ROBO1: variants seen among roughly 807,000 people sequenced by gnomAD.
ROBO1 encodes the protein roundabout homolog 1.
A neutral mutation model predicts 195.9 loss-of-function variants in ROBO1; 149 were observed. The observed-to-expected ratio is 0.76, with a 90% confidence interval of 0.67 to 0.87. The LOEUF is 0.87. ROBO1 is among the 40% of genes least tolerant of loss of function. ROBO1 has a pLI of 0.00. For missense variants in ROBO1, 1,933 were observed against 2,068.3 expected (o/e 0.93, Z 1.27); for synonymous variants, 816 against 733.2 (o/e 1.11, Z -1.82).
intron 4 of ROBO1, among the ~76,000 whole-genome samples, chr3:78,809,034 A>G (rs2084642159): frequency 6.6e-6 from 1 of 152,206 alleles, no homozygotes; most frequent in South Asian, 2.1e-4. Flanking sequence ...GCACAGTAAA[A>G]GAAACTACCA....
At chr3:79,054,252 T>C (rs140699411) in intron 3 of ROBO1, among the ~76,000 whole-genome samples, 1 of 152,226 alleles carries the variant, frequency 6.6e-6, no homozygotes, top group Admixed American at 6.5e-5. Context: ...TATGAGAGCT[T>C]GGGATAAATT....
In ROBO1 at chr3:79,058,246, G is replaced by T. The variant is rs143706946; in HGVS notation, c.172+67210C>A. Among the ~76,000 whole-genome samples, 104 of 152,134 alleles carry T rather than the reference G, an allele frequency of 6.8e-4. No individual in the cohort carries two copies. In the East Asian group the frequency reaches 0.017, roughly 25 times the overall value. On this transcript the variant is annotated intron_variant, in intron 3 of 30. Transcript: ENST00000464233. ...TTAGTAATAGACATGGCACCAAAGG[G>T]CTATTTAAAAAACAATTGCTCCTCT...
intron 17 of ROBO1, among the ~76,000 whole-genome samples, chr3:78,657,594 A>G (rs1396758966): frequency 6.6e-6 from 1 of 152,210 alleles, no homozygotes; most frequent in Non-Finnish European, 1.5e-5. Context: ...ACACCAACAC[A>G]TTATCTGCCA....
chr3:78,639,131 G>A (rs1705752790), intron 22 of ROBO1, among the ~76,000 whole-genome samples: 1 of 151,838 alleles, frequency 6.6e-6, no homozygotes, highest in Non-Finnish European at 1.5e-5. Context: ...GGCCTACAGA[G>A]TGAGACTCTT....
intron 4 of ROBO1, among the ~76,000 whole-genome samples, chr3:78,891,960 G>A (rs950807617): frequency 6.6e-6 from 1 of 152,218 alleles, no homozygotes; most frequent in Admixed American, 6.5e-5. Flanking sequence ...AACTAATGAG[G>A]AAATTTTGGA....
chr3:79,182,257 C>T (rs908668768), intron 2 of ROBO1, among the ~76,000 whole-genome samples: 1 of 152,140 alleles, frequency 6.6e-6, no homozygotes, highest in Non-Finnish European at 1.5e-5. Context: ...ATCTTTTCTT[C>T]TCTTTAGTGT....
intron 2 of ROBO1, among the ~76,000 whole-genome samples, chr3:79,487,267 G>A (rs1051742452): frequency 7.1e-6 from 1 of 140,616 alleles, no homozygotes; most frequent in Non-Finnish European, 1.5e-5. Context: ...AATCAGATGG[G>A]GTAGAGTGAA....
intron 3 of ROBO1, among the ~76,000 whole-genome samples, chr3:78,992,579 C>T (rs2077263120): frequency 1.3e-5 from 2 of 152,130 alleles, no homozygotes; most frequent in Admixed American, 1.3e-4. Context: ...TGACATAATA[C>T]ATTTACTTAC....
chr3:79,544,513 G>T (rs1402586913), intron 2 of ROBO1, among the ~76,000 whole-genome samples: 8 of 151,830 alleles, frequency 5.3e-5, no homozygotes, highest in Admixed American at 5.3e-4. Flanking sequence ...TTCTAACTTT[G>T]AATGACATTG....
intron 2 of ROBO1, among the ~76,000 whole-genome samples, chr3:79,493,938 C>T (rs1939599440): frequency 6.6e-6 from 1 of 152,000 alleles, no homozygotes; most frequent in Non-Finnish European, 1.5e-5. Flanking sequence ...AATACTAGAT[C>T]GTATTCATTG....
intron 3 of ROBO1, among the ~76,000 whole-genome samples, chr3:79,097,462 GA>G (rs754624180): frequency 6.6e-6 from 1 of 151,764 alleles, no homozygotes; most frequent in Non-Finnish European, 1.5e-5. Flanking sequence ...AACAAAATAA[GA>G]AAGTCTGAAC....
intron 3 of ROBO1, among the ~76,000 whole-genome samples, chr3:78,968,578 T>C (rs1169609637): frequency 6.6e-6 from 1 of 151,778 alleles, no homozygotes; most frequent in African/African-American, 2.4e-5. Flanking sequence ...AAAATAGATA[T>C]TTTAAAATGA....
intron 1 of ROBO1, among the ~76,000 whole-genome samples, chr3:79,744,440 G>A (rs535177105): frequency 6.6e-6 from 1 of 152,278 alleles, no homozygotes; most frequent in African/African-American, 2.4e-5. Context: ...TCCATGTGAT[G>A]ATGTCTGAAG....
At chr3:79,019,295 G>A (rs2078043844) in intron 3 of ROBO1, 1 of 985,806 alleles carries the variant, frequency 1.0e-6, no homozygotes, top group Non-Finnish European at 1.2e-6. Flanking sequence ...CTGGCTCGTG[G>A]AAGCTGTAAA....
intron 4 of ROBO1, among the ~76,000 whole-genome samples, chr3:78,926,590 G>A (rs1266227536): frequency 6.6e-6 from 1 of 152,076 alleles, no homozygotes; most frequent in Non-Finnish European, 1.5e-5. Flanking sequence ...ATGAAAAGTC[G>A]CATTTTGGAC....
chr3:79,621,037 C>T (rs1341255719), intron 1 of ROBO1, among the ~76,000 whole-genome samples: 2 of 152,044 alleles, frequency 1.3e-5, no homozygotes, highest in African/African-American at 4.8e-5. Context: ...CTCCAGAACC[C>T]ATTATTCTGT....
rs1165373875 is a variant in ROBO1 at position 79,620,052 on chromosome 3, G to A, written c.-50-30091C>T. ...AAAACACCTAAGATGCAATGGTTAG[G>A]CATTCCTACAGGAACTCCTCCCTCA... On this transcript the variant is annotated intron_variant, in intron 1 of 30. Transcript: ENST00000464233. 3.3e-5 allele frequency among the ~76,000 whole-genome samples: 5 copies of A among 152,284 alleles called. No homozygotes were observed. The East Asian group carries it at 9.7e-4, about 29-fold the overall frequency.
intron 2 of ROBO1, among the ~76,000 whole-genome samples, chr3:79,156,407 G>A (rs1422434015): frequency 6.6e-6 from 1 of 151,558 alleles, no homozygotes; most frequent in Non-Finnish European, 1.5e-5. Flanking sequence ...ATTTATTCTG[G>A]TACCCCTTTC....
rs866053713 is a variant in ROBO1, at chr3:79,575,193, T to A, written c.88+14631A>T. ...TATATAAATATATATAACATATATA[T>A]AAATATATATATAACAGATATATAT... is the stretch of plus-strand genomic sequence containing the variant. On this transcript the variant is annotated intron_variant, in intron 2 of 30. Coordinates refer to ENST00000464233, the MANE Select transcript of ROBO1 (RefSeq NM_002941.4). 1.9e-3 allele frequency among the ~76,000 whole-genome samples: 241 copies of A among 125,112 alleles called. 5 individuals carry two copies. Among genetic ancestry groups the A allele is most frequent in the African/African-American group, 7.2e-3 (227 of 31,698 alleles). The allele number at this position is 125,112 out of a possible 152,430, so 82.1% of individuals were successfully genotyped here. A position where few individuals can be genotyped will look rare whatever the true frequency, so the allele number is the denominator to read the frequency against.
Sources: gnomAD v4.1 joint callset for allele counts (sites outside exome capture counted in the v4.1 genomes callset) on GRCh38, gnomAD v4.1.1 for gene constraint, MANE v1.5 for transcripts, NCBI Gene and HGNC (gene_info 2026-07-23, HGNC 2026-07-21) for gene names.